Variants in MYH15 observed in about 807,000 individuals in gnomAD.
MYH15 encodes the protein myosin-15.
MYH15 carries 227 observed loss-of-function variants against 240.5 expected under a neutral mutation model. The ratio of observed to expected loss-of-function variants is 0.94; its 90% CI spans 0.85 to 1.05. MYH15 has a LOEUF of 1.05. MYH15 is among the 50% of genes least tolerant of loss of function. The probability of loss-of-function intolerance (pLI) is 0.00; values close to 1 mark genes in which losing one functional copy is unlikely to be tolerated. For missense variants in MYH15, 2,217 were observed against 2,247.5 expected (o/e 0.99, Z 0.27); for synonymous variants, 785 against 796.7 (o/e 0.99, Z 0.25).
rs904425435 is a variant in MYH15 at position 108,520,731 on chromosome 3, C to T, written c.-58+8532G>A. Among the ~76,000 whole-genome samples, 8 of 152,144 alleles carry T rather than the reference C, an allele frequency of 5.3e-5. No homozygotes were observed. In the East Asian group the frequency reaches 1.3e-3, roughly 26 times the overall value. On this transcript the variant is annotated intron_variant, in intron 1 of 41. Coordinates refer to the MYH15 transcript ENST00000273353. ...GGCATCAATTTTGGAGTCTTGGGCT[C>T]TAGTGCTATCTCTCCAGTGATTTGG... is the stretch of plus-strand genomic sequence containing the variant.
At chr3:108,490,994 T>G (rs2083341422) in intron 9 of MYH15, among the ~76,000 whole-genome samples, 1 of 152,110 alleles carries the variant, frequency 6.6e-6, no homozygotes, top group Non-Finnish European at 1.5e-5. Flanking sequence ...TTCAAGTGAT[T>G]CTCCTGCCTC....
chr3:108,543,069 T>A, the MYH15 span, among the ~76,000 whole-genome samples: 1 of 151,930 alleles, frequency 6.6e-6, no homozygotes, highest in Non-Finnish European at 1.5e-5. Flanking sequence ...TTAGTAGAGA[T>A]GAGGTTTCAC....
At chr3:108,469,794 G>A (rs544984698) in intron 14 of MYH15, among the ~76,000 whole-genome samples, 1 of 152,346 alleles carries the variant, frequency 6.6e-6, no homozygotes, top group African/African-American at 2.4e-5. Context: ...TAACAGTGGA[G>A]GCCATGCATT....
chr3:108,436,624 C>T (rs187069562), intron 25 of MYH15, among the ~76,000 whole-genome samples: 159 of 152,198 alleles, frequency 1.0e-3, no homozygotes, highest in Middle Eastern at 3.4e-3. Flanking sequence ...CTGCAACCTC[C>T]GACTCCTGGG....
chr3:108,396,416 T>C (rs954729443), intron 35 of MYH15, among the ~76,000 whole-genome samples: 1 of 152,214 alleles, frequency 6.6e-6, no homozygotes, highest in Non-Finnish European at 1.5e-5. Flanking sequence ...CTAAGGAGCA[T>C]GCAACCTACA....
intron 33 of MYH15, among the ~76,000 whole-genome samples, chr3:108,403,576 G>A (rs959222487): frequency 1.3e-5 from 2 of 149,042 alleles, no homozygotes; most frequent in African/African-American, 4.9e-5. Context: ...GAAACTATCA[G>A]ATTAAACCTT....
rs367768507 is a variant in MYH15, at chr3:108,505,186, C to T, written c.195+537G>A. On this transcript the variant is annotated intron_variant, in intron 2 of 40. Coordinates refer to ENST00000693548, the MANE Select transcript of MYH15 (RefSeq NM_014981.3). ...AGTAGAAATGGCTGTGAGTTCTAGT[C>T]AATAATCCTTGCCACTGGCAATTGT... Among the ~76,000 whole-genome samples the T allele has an allele frequency of 2.0e-5, 3 of 152,288 alleles. No homozygotes were observed. In the South Asian group the frequency reaches 6.2e-4, roughly 32 times the overall value.
intron 11 of MYH15, among the ~76,000 whole-genome samples, chr3:108,483,716 G>T (rs1282074190): frequency 6.6e-6 from 1 of 152,182 alleles, no homozygotes; most frequent in Non-Finnish European, 1.5e-5. Flanking sequence ...CTGATGAAAA[G>T]ATAAGTGTGT....
chr3:108,504,705 T>A (rs1048182386), intron 2 of MYH15, among the ~76,000 whole-genome samples: 4 of 152,136 alleles, frequency 2.6e-5, no homozygotes, highest in Non-Finnish European at 5.9e-5. Context: ...GGGGCCCGGC[T>A]TACACCACGG....
chr3:108,437,678 C>T lies in MYH15; in HGVS notation c.3097G>A (p.Glu1033Lys), dbSNP rs894085846. The change falls in exon 25 of 41, where the codon GAG becomes AAG. Residue 1033 changes from glutamate to lysine, a missense_variant. Coordinates refer to ENST00000693548, the MANE Select transcript of MYH15 (RefSeq NM_014981.3). ...TCACAGTTCATTCTCGCTTTTCTCTCCTGCTCAAGGGCACCCTCAAGCTGA... is the reference window on the plus strand; with the variant it reads ...TCACAGTTCATTCTCGCTTTTCTCTTCTGCTCAAGGGCACCCTCAAGCTGA... ...VDELEGALEQ[E>K]RKARMNCERE... 1.2e-6 allele frequency: 2 copies of T among 1,613,420 alleles called. No homozygotes were observed.
upstream of MYH15, among the ~76,000 whole-genome samples, chr3:108,530,615 A>T (rs1199974644): frequency 6.6e-6 from 1 of 152,212 alleles, no homozygotes; most frequent in Non-Finnish European, 1.5e-5. Context: ...TTCATCAATT[A>T]TAAGATGTGT....
At chr3:108,438,483 G>C (rs181157631) in intron 24 of MYH15, among the ~76,000 whole-genome samples, 1 of 152,210 alleles carries the variant, frequency 6.6e-6, no homozygotes, top group East Asian at 1.9e-4. Context: ...TTCAAATTGG[G>C]AAGGAGGGAG....
the MYH15 span, among the ~76,000 whole-genome samples, chr3:108,549,086 C>CA: frequency 6.6e-6 from 1 of 151,980 alleles, no homozygotes; most frequent in Non-Finnish European, 1.5e-5. Context: ...ACTTTGGAGA[C>CA]AAACTCTCCC....
chr3:108,383,529 T>G lies in MYH15; in HGVS notation c.5766+66A>C. On this transcript the variant is annotated intron_variant, in intron 40 of 40. Transcript: ENST00000693548. Reference sequence around the variant, plus strand: ...ACAAATTTCTTGTTATACTGGTCCATGCAATGACATCAGCCCTAAACAAAC... The same window carrying G: ...ACAAATTTCTTGTTATACTGGTCCAGGCAATGACATCAGCCCTAAACAAAC... 6 of 1,531,326 alleles carry G rather than the reference T, an allele frequency of 3.9e-6. No homozygotes were observed. The East Asian group carries it at 9.1e-5, about 23-fold the overall frequency. 94.9% of individuals were successfully genotyped at this position (1,531,326 alleles called of 1,614,324 possible).
intron 17 of MYH15, 24 bp downstream of exon 17, chr3:108,460,276 T>C (rs2083059567): frequency 1.9e-6 from 3 of 1,541,818 alleles, no homozygotes; most frequent in Non-Finnish European, 2.6e-6. Flanking sequence ...AATTAATATA[T>C]GAATAGACGC....
rs763505663 is a variant in MYH15 at position 108,444,823 on chromosome 3, G to T, written c.2472C>A (p.Leu824=). 2.5e-6 allele frequency: 4 copies of T among 1,614,030 alleles called. No individual in the cohort carries two copies. Among genetic ancestry groups the T allele is most frequent in the Non-Finnish European group, 2.5e-6 (3 of 1,179,938 alleles). Residue 824 remains leucine (L), a synonymous_variant, in exon 22 of 41, where the codon CTC becomes CTA. Transcript: ENST00000693548. ...MAVKNWPWMR[L]FFKIKPLVKS... is the part of the protein sequence containing the mutation. ...TAACAAGAGGCTTGATCTTGAAGAA[G>T]AGCCTCATCCAGGGCCAGTTCTTCA...
intron 33 of MYH15, among the ~76,000 whole-genome samples, chr3:108,402,583 T>A (rs13090812): frequency 6.6e-6 from 1 of 152,038 alleles, no homozygotes; most frequent in Admixed American, 6.5e-5. Context: ...GAGAAAAAGC[T>A]TGCCTAGCCT....
At chr3:108,411,029 T>C in intron 30 of MYH15, 97 bp from the exon 31 acceptor site, 2 of 1,019,564 alleles carry the variant, frequency 2.0e-6, no homozygotes, top group Non-Finnish European at 2.8e-6. Flanking sequence ...GGGTGCAAAG[T>C]AAGATGGCGC....
chr3:108,384,368 C>T (rs1459776912), intron 39 of MYH15, among the ~76,000 whole-genome samples: 1 of 152,212 alleles, frequency 6.6e-6, no homozygotes, highest in South Asian at 2.1e-4. Flanking sequence ...ATGAGGGAGG[C>T]CCCAGGGTGA....
Sources: gnomAD v4.1 joint callset for allele counts (sites outside exome capture counted in the v4.1 genomes callset) on GRCh38, gnomAD v4.1.1 for gene constraint, MANE v1.5 for transcripts, NCBI Gene and HGNC (gene_info 2026-07-23, HGNC 2026-07-21) for gene names.